Variants in ROBO2 observed in about 807,000 individuals in gnomAD.
ROBO2 encodes the protein roundabout guidance receptor 2, also known as roundabout homolog 2.
In ROBO2, 53 loss-of-function variants were observed where a neutral mutation model predicts 160.8. The observed-to-expected ratio is 0.33, with a 90% CI of 0.26 to 0.41. The LOEUF is 0.41. Ranked by LOEUF, ROBO2 falls within the 10% of genes least tolerant of loss-of-function variation. ROBO2 has a pLI of 1.00. For missense variants in ROBO2, 1,577 were observed against 1,722.4 expected (o/e 0.92, Z 1.49); for synonymous variants, 664 against 611.7 (o/e 1.09, Z -1.26).
intron 2 of ROBO2, among the ~76,000 whole-genome samples, chr3:77,099,479 T>C (rs1413360248): frequency 6.6e-6 from 1 of 152,182 alleles, no homozygotes; most frequent in African/African-American, 2.4e-5. Flanking sequence ...TTATTTTTTG[T>C]GAAGTGCCTT....
At chr3:77,091,670 G>A (rs1469626082) in intron 1 of ROBO2, among the ~76,000 whole-genome samples, 1 of 151,988 alleles carries the variant, frequency 6.6e-6, no homozygotes, top group African/African-American at 2.4e-5. Context: ...GATGCACCTT[G>A]TTCACTATGG....
rs575577414 is a variant in ROBO2 at position 76,295,935 on chromosome 3, C to T, written c.109+358333C>T. ...ATACTGCAAACCAACTCCACCCTCCCCACGTACACATAGTCAATAAGTTAT... is the reference window on the plus strand; with the variant it reads ...ATACTGCAAACCAACTCCACCCTCCTCACGTACACATAGTCAATAAGTTAT... On this transcript the variant is annotated intron_variant, in intron 2 of 26. Coordinates refer to the ROBO2 transcript ENST00000487694. 2.0e-5 allele frequency among the ~76,000 whole-genome samples: 3 copies of T among 152,240 alleles called. No individual in the cohort carries two copies. The East Asian group carries it at 5.8e-4, about 29-fold the overall frequency.
chr3:77,277,157 CTTCTTTCTTTCTTTCT>C lies in ROBO2; in HGVS notation c.388+178859_388+178874del, dbSNP rs758551962. ...CCTTTCTTCCTTCTTTCCTTCTTTC[CTTCTTTCTTTCTTTCT>C]TTCTTTCTTTCTTTCTTTCTTTCTT... On this transcript the variant is annotated intron_variant, in intron 2 of 25. Transcript: ENST00000461745. 5.4e-4 allele frequency among the ~76,000 whole-genome samples: 48 copies of C among 88,212 alleles called. 1 individual carries two copies. The highest frequency in any genetic ancestry group is 1.8e-3 in the African/African-American group (41 of 22,974). 57.9% of individuals were successfully genotyped at this position (88,212 alleles called of 152,430 possible). A position where few individuals can be genotyped will look rare whatever the true frequency, so the allele number is the denominator to read the frequency against.
chr3:76,382,234 C>G (rs2108564469), intron 2 of ROBO2, among the ~76,000 whole-genome samples: 1 of 152,278 alleles, frequency 6.6e-6, no homozygotes, highest in East Asian at 1.9e-4. Context: ...TCTCAAAATT[C>G]TGGGATCACA....
intron 2 of ROBO2, among the ~76,000 whole-genome samples, chr3:76,617,187 T>C (rs2088654263): frequency 6.6e-6 from 1 of 152,090 alleles, no homozygotes; most frequent in African/African-American, 2.4e-5. Context: ...TCTAAGGGCT[T>C]AGAGATCATC....
intron 2 of ROBO2, among the ~76,000 whole-genome samples, chr3:77,262,866 T>G (rs1177288397): frequency 3.3e-5 from 5 of 152,104 alleles, no homozygotes; most frequent in Non-Finnish European, 5.9e-5. Context: ...GTGATGATGG[T>G]GATGAGTATG....
intron 2 of ROBO2, among the ~76,000 whole-genome samples, chr3:76,537,654 C>T (rs149955347): frequency 6.6e-6 from 1 of 152,142 alleles, no homozygotes; most frequent in Non-Finnish European, 1.5e-5. Context: ...AAGGAGTCCC[C>T]CTGTCCCTGG....
intron 2 of ROBO2, among the ~76,000 whole-genome samples, chr3:77,472,885 G>C (rs1038696936): frequency 6.6e-6 from 1 of 152,118 alleles, no homozygotes; most frequent in African/African-American, 2.4e-5. Flanking sequence ...TTGGGGCTCA[G>C]AAACTGATAC....
At chr3:76,415,824 C>T (rs1003974286) in intron 2 of ROBO2, among the ~76,000 whole-genome samples, 1 of 152,256 alleles carries the variant, frequency 6.6e-6, no homozygotes, top group East Asian at 1.9e-4. Context: ...AGGAGTTACA[C>T]AATTTTAATA....
chr3:77,328,755 C>T (rs1337594408), intron 2 of ROBO2, among the ~76,000 whole-genome samples: 1 of 152,138 alleles, frequency 6.6e-6, no homozygotes, highest in African/African-American at 2.4e-5. Context: ...AAGGAAGTGG[C>T]ATAAAAATAG....
At chr3:77,323,555 T>C (rs995721407) in intron 2 of ROBO2, among the ~76,000 whole-genome samples, 1 of 152,188 alleles carries the variant, frequency 6.6e-6, no homozygotes, top group Non-Finnish European at 1.5e-5. Context: ...TGTCATCATT[T>C]AATCACACCA....
At chr3:76,884,428 GT>G (rs1192158430) in intron 2 of ROBO2, among the ~76,000 whole-genome samples, 1 of 152,166 alleles carries the variant, frequency 6.6e-6, no homozygotes, top group African/African-American at 2.4e-5. Context: ...TCACTTTCTA[GT>G]TGGGGAAATG....
intron 6 of ROBO2, among the ~76,000 whole-genome samples, chr3:77,541,929 C>T (rs775765): frequency 0.5 from 75,239 of 151,654 alleles, 19,017 homozygotes; most frequent in African/African-American, 0.57. Flanking sequence ...TTGGAATTGT[C>T]GTCTTGAGGA....
intron 1 of ROBO2, among the ~76,000 whole-genome samples, chr3:75,913,217 TC>T (rs1446179321): frequency 6.6e-6 from 1 of 152,158 alleles, no homozygotes; most frequent in Admixed American, 6.5e-5. Context: ...TAACTTTGAG[TC>T]CTTCTCTCTA....
chr3:77,322,138 C>G (rs1282154659), intron 2 of ROBO2, among the ~76,000 whole-genome samples: 2 of 152,052 alleles, frequency 1.3e-5, no homozygotes, highest in Non-Finnish European at 2.9e-5. Context: ...GTTTGGTTCC[C>G]CAGGCTCCAC....
At chr3:76,403,741 G>C (rs2077980781) in intron 2 of ROBO2, among the ~76,000 whole-genome samples, 1 of 151,618 alleles carries the variant, frequency 6.6e-6, no homozygotes, top group African/African-American at 2.4e-5. Context: ...GGGAGTGATT[G>C]TGACTCATTC....
At chr3:77,614,044 T>G (rs1325528054) in intron 21 of ROBO2, among the ~76,000 whole-genome samples, 1 of 152,294 alleles carries the variant, frequency 6.6e-6, no homozygotes, top group East Asian at 1.9e-4. Flanking sequence ...TGAAAACAAA[T>G]TAATTTATTT....
intron 2 of ROBO2, among the ~76,000 whole-genome samples, chr3:76,066,811 AAAT>A (rs1445647362): frequency 2.0e-5 from 3 of 152,038 alleles, no homozygotes; most frequent in East Asian, 3.9e-4. Flanking sequence ...AGAATTTAAG[AAAT>A]AATATTTTAT....
chr3:76,924,075 G>A (rs550310741), intron 2 of ROBO2, among the ~76,000 whole-genome samples: 1 of 152,220 alleles, frequency 6.6e-6, no homozygotes, highest in South Asian at 2.1e-4. Flanking sequence ...AAGAATTTGA[G>A]CGACAGTATG....
Sources: allele counts gnomAD v4.1 joint callset (sites outside exome capture counted in the v4.1 genomes callset), GRCh38; gene constraint gnomAD v4.1.1; transcripts MANE v1.5; gene names NCBI Gene and HGNC (gene_info 2026-07-23, HGNC 2026-07-21).